FKTN: variants seen among roughly 807,000 people sequenced by gnomAD.
The protein encoded by FKTN is fukutin.
FKTN carries 47 observed loss-of-function variants against 58.6 expected under a neutral mutation model. That is an observed-to-expected ratio of 0.80 (90% CI 0.63 to 1.02). The LOEUF is 1.02. FKTN is among the 50% of genes least tolerant of loss of function. FKTN has a pLI of 0.00. For synonymous variants in FKTN, 178 were observed against 191.9 expected (o/e 0.93, Z 0.60); for missense variants, 516 against 537.3 (o/e 0.96, Z 0.39).
chr9:105,577,602 T>C (rs1379616208), intron 3 of FKTN, among the ~76,000 whole-genome samples: 2 of 148,458 alleles, frequency 1.3e-5, no homozygotes, highest in African/African-American at 5.1e-5. Context: ...TCAGGTAGCG[T>C]GATGCCTCCA....
chr9:105,584,429 T>A (rs1843556096), intron 3 of FKTN, among the ~76,000 whole-genome samples: 1 of 152,146 alleles, frequency 6.6e-6, no homozygotes, highest in South Asian at 2.1e-4. Flanking sequence ...TAAAGTTCAT[T>A]ATTCATACTA....
rs535353095 is a variant in FKTN, at chr9:105,635,976, C to T, written c.*712C>T. The stretch of plus-strand genomic sequence containing the variant: ...TATGCTTGTTTAATGCTTAAATTTC[C>T]ATCCATTGTGAGAATATTTTCACTG... On this transcript the variant is annotated 3_prime_UTR_variant, in exon 11 of 11. Coordinates refer to ENST00000357998, the MANE Select transcript of FKTN (RefSeq NM_001079802.2). 707 of 985,530 alleles carry T rather than the reference C, an allele frequency of 7.2e-4. No homozygotes were observed. The highest frequency in any genetic ancestry group is 1.5e-3 in the South Asian group (33 of 21,310). The allele number at this position is 985,530 out of a possible 1,614,324, so 61.0% of individuals were successfully genotyped here.
Position 105,572,317 on chromosome 9 carries a change from C to A in FKTN, c.-180-1338C>A, listed in dbSNP as rs116609899. 9.1e-3 allele frequency among the ~76,000 whole-genome samples: 1,378 copies of A among 151,934 alleles called. 22 individuals carry two copies. Among genetic ancestry groups the A allele is most frequent in the African/African-American group, 0.032 (1,320 of 41,446 alleles). On this transcript the variant is annotated intron_variant, in intron 1 of 10. Coordinates refer to ENST00000357998, the MANE Select transcript of FKTN (RefSeq NM_001079802.2). ...ATTTGGATTGTTTTAAAACCCCAAA[C>A]CAAGACTTGATTTTAAGATGGTAAA...
At chr9:105,581,860 A>C (rs527396087) in intron 3 of FKTN, among the ~76,000 whole-genome samples, 1 of 152,260 alleles carries the variant, frequency 6.6e-6, no homozygotes, top group African/African-American at 2.4e-5. Context: ...TGTGGGATAT[A>C]GTCTCGTGGT....
Position 105,618,150 on chromosome 9 carries a change from C to T in FKTN, c.1044+58C>T, listed in dbSNP as rs75946934. 22,648 of 1,354,338 alleles carry T rather than the reference C, an allele frequency of 0.017. 499 individuals are homozygous for T. The highest frequency in any genetic ancestry group is 0.094 in the African/African-American group (6,614 of 70,374). The allele number at this position is 1,354,338 out of a possible 1,614,324, so 83.9% of individuals were successfully genotyped here. On this transcript the variant is annotated intron_variant, in intron 9 of 10. Coordinates refer to ENST00000357998, the MANE Select transcript of FKTN (RefSeq NM_001079802.2). ...TAACATATCTCACTTGTAAAGTTTACATTAAGCAACTCAGATATGGTTAAG... is the reference window on the plus strand; with the variant it reads ...TAACATATCTCACTTGTAAAGTTTATATTAAGCAACTCAGATATGGTTAAG...
At chr9:105,619,763 T>C in intron 9 of FKTN, 171 bp from the exon 10 acceptor site, 1 of 550,216 alleles carries the variant, frequency 1.8e-6, no homozygotes, top group Non-Finnish European at 3.2e-6. Context: ...ATGTTACTGA[T>C]GCATCCCAAT....
chr9:105,582,549 C>T (rs1456710961), intron 3 of FKTN, among the ~76,000 whole-genome samples: 1 of 152,134 alleles, frequency 6.6e-6, no homozygotes, highest in African/African-American at 2.4e-5. Context: ...ATACAAACCA[C>T]CCAATATCTA....
At chr9:105,630,859 CAT>C (rs1373664089) in intron 10 of FKTN, among the ~76,000 whole-genome samples, 11 of 152,226 alleles carry the variant, frequency 7.2e-5, no homozygotes, top group South Asian at 2.1e-4. Flanking sequence ...CTAGGCTGGG[CAT>C]GGTGGCTCAC....
chr9:105,615,152 G>A (rs1020698977), intron 7 of FKTN, 126 bp from the exon 8 acceptor site: 6 of 1,006,732 alleles, frequency 6.0e-6, no homozygotes, highest in Non-Finnish European at 9.2e-6. Flanking sequence ...CCAAAGTTCT[G>A]GGGTTACAGG....
rs1214514082 is a variant in FKTN, at chr9:105,593,225, A to C, written c.106-3373A>C. Among the ~76,000 whole-genome samples the C allele has an allele frequency of 2.0e-5, 3 of 152,288 alleles. No individual in the cohort carries two copies. The East Asian group carries it at 5.8e-4, about 29-fold the overall frequency. On this transcript the variant is annotated intron_variant, in intron 3 of 10. Transcript: ENST00000357998. Reference sequence around the variant, plus strand: ...CAGCACTTCATATGGCTGGAGCAGGAAGAAGAGAGAGAGGGAGGAGGTGCT... The same window carrying C: ...CAGCACTTCATATGGCTGGAGCAGGCAGAAGAGAGAGAGGGAGGAGGTGCT...
At chr9:105,599,542 C>T (rs1827473394) in intron 4 of FKTN, among the ~76,000 whole-genome samples, 1 of 142,090 alleles carries the variant, frequency 7.0e-6, no homozygotes, top group Admixed American at 7.4e-5. Flanking sequence ...CATGTGATCT[C>T]GGCTCACTGC....
chr9:105,589,846 C>T (rs531078649), intron 3 of FKTN, among the ~76,000 whole-genome samples: 6 of 152,154 alleles, frequency 3.9e-5, no homozygotes, highest in African/African-American at 7.2e-5. Flanking sequence ...AAAAGTCCTG[C>T]GGCAGGAATA....
At position 105,574,988 on chromosome 9, in the gene FKTN, G is replaced by C; in HGVS notation, c.-45G>C. On this transcript the variant is annotated 5_prime_UTR_variant, in exon 3 of 11. Coordinates refer to ENST00000357998, the MANE Select transcript of FKTN (RefSeq NM_001079802.2). ...TTTCCAAATCCAAAAAGATGAAAAC[G>C]ACTGAGATACTTTCAAAAGACAACC... 9.9e-7 allele frequency: 1 copy of C among 1,013,964 alleles called. No homozygotes were observed. The allele number at this position is 1,013,964 out of a possible 1,614,324, so 62.8% of individuals were successfully genotyped here.
chr9:105,558,508 C>T (rs902648626), intron 1 of FKTN, among the ~76,000 whole-genome samples: 1 of 152,034 alleles, frequency 6.6e-6, no homozygotes, highest in African/African-American at 2.4e-5. Flanking sequence ...TCAGGTTATC[C>T]GCCCGCGTTG....
intron 1 of FKTN, among the ~76,000 whole-genome samples, chr9:105,562,138 C>A (rs777535184): frequency 6.6e-6 from 1 of 152,214 alleles, no homozygotes; most frequent in Non-Finnish European, 1.5e-5. Context: ...TCTTCCTGTG[C>A]GCTGCACAAA....
chr9:105,596,965 A>T (rs1826922766), intron 4 of FKTN, among the ~76,000 whole-genome samples: 1 of 152,200 alleles, frequency 6.6e-6, no homozygotes, highest in South Asian at 2.1e-4. Flanking sequence ...ACATTCACTG[A>T]GCTATGGTGT....
intron 10 of FKTN, among the ~76,000 whole-genome samples, chr9:105,620,921 C>T (rs764947963): frequency 3.3e-4 from 50 of 152,008 alleles, no homozygotes; most frequent in Middle Eastern, 3.2e-3. Flanking sequence ...TCTTAGAGAA[C>T]TTCTGTAAGA....
chr9:105,580,061 T>C (rs1429997203), intron 3 of FKTN, among the ~76,000 whole-genome samples: 10 of 151,976 alleles, frequency 6.6e-5, no homozygotes, highest in Non-Finnish European at 8.8e-5. Context: ...TATGTGTGTC[T>C]CTGCACGTGA....
chr9:105,588,244 G>T (rs780703197), intron 3 of FKTN, among the ~76,000 whole-genome samples: 5 of 152,172 alleles, frequency 3.3e-5, no homozygotes, highest in Non-Finnish European at 5.9e-5. Flanking sequence ...CTAGAGTTCA[G>T]TTGCTACCAG....
Sources: allele counts gnomAD v4.1 joint callset (sites outside exome capture counted in the v4.1 genomes callset), GRCh38; gene constraint gnomAD v4.1.1; transcripts MANE v1.5; gene names NCBI Gene and HGNC (gene_info 2026-07-23, HGNC 2026-07-21).